The following TMOD1 variants were observed in gnomAD, a reference collection of about 807,000 sequenced individuals.
TMOD1 encodes the protein tropomodulin 1.
TMOD1 carries 17 observed loss-of-function variants against 40.6 expected under a neutral mutation model. That is an observed-to-expected ratio of 0.42 (90% CI 0.29 to 0.63). TMOD1 has a LOEUF of 0.63. Among genes scored for constraint, TMOD1 ranks in the 20% least tolerant of loss-of-function variants. The pLI is 0.22. For synonymous variants in TMOD1, 181 were observed against 175.0 expected, an observed-to-expected ratio of 1.03 and a Z score of -0.27; for missense variants, 391 against 447.6, an observed-to-expected ratio of 0.87 and a Z score of 1.14.
chr9:97,566,089 G>C, intron 7 of TMOD1, 134 bp downstream of exon 7: 1 of 688,886 alleles, frequency 1.5e-6, no homozygotes, highest in South Asian at 2.1e-5. Flanking sequence ...ATTGGACCAG[G>C]AGCCATGAGG....
intron 2 of TMOD1, among the ~76,000 whole-genome samples, chr9:97,536,046 C>A (rs1587927391): frequency 6.6e-6 from 1 of 152,256 alleles, no homozygotes; most frequent in Non-Finnish European, 1.5e-5. Context: ...AGAGTTGGCT[C>A]ACCCCGCTGC....
At chr9:97,559,794 A>ATATATATATATAT (rs1554683057) in intron 4 of TMOD1, among the ~76,000 whole-genome samples, 3 of 23,168 alleles carry the variant, frequency 1.3e-4, no homozygotes, top group Non-Finnish European at 1.5e-4. Context: ...AAAAAAAAAA[A>ATATATATATATAT]ATATATATAT....
chr9:97,559,823 ATGTCTATC>A (rs1198581225), intron 4 of TMOD1, among the ~76,000 whole-genome samples: 2,406 of 62,832 alleles, frequency 0.038, 123 homozygotes, highest in East Asian at 0.061. Flanking sequence ...ATATATATAT[ATGTCTATC>A]TATCTATCTA....
upstream of TMOD1, chr9:97,501,642 T>TCCCG (rs1829502476): frequency 7.8e-6 from 1 of 128,604 alleles, no homozygotes; most frequent in Non-Finnish European, 1.7e-5. Context: ...AGCCCACAGC[T>TCCCG]CCCGCCCGCC....
At chr9:97,559,295 G>C (rs539868130) in intron 4 of TMOD1, among the ~76,000 whole-genome samples, 1 of 151,934 alleles carries the variant, frequency 6.6e-6, no homozygotes, top group South Asian at 2.1e-4. Flanking sequence ...AAACCCACGA[G>C]AGCTTGAAAA....
intron 8 of TMOD1, among the ~76,000 whole-genome samples, chr9:97,575,367 C>T (rs1432903171): frequency 3.9e-5 from 6 of 152,344 alleles, no homozygotes; most frequent in Non-Finnish European, 7.3e-5. Flanking sequence ...CCGGACACAC[C>T]GCCTTTAAGA....
chr9:97,538,591 T>A (rs980220570), intron 2 of TMOD1, among the ~76,000 whole-genome samples: 5 of 152,244 alleles, frequency 3.3e-5, no homozygotes, highest in Admixed American at 2.0e-4. Flanking sequence ...TACCTTTAAA[T>A]GTAATGTATA....
intron 3 of TMOD1, among the ~76,000 whole-genome samples, chr9:97,552,731 T>G (rs1221422214): frequency 2.6e-5 from 4 of 152,236 alleles, no homozygotes; most frequent in Non-Finnish European, 4.4e-5. Flanking sequence ...ATTGTATGGA[T>G]GCACCATAAT....
At chr9:97,578,262 C>A (rs1402265338) in intron 8 of TMOD1, among the ~76,000 whole-genome samples, 1 of 152,168 alleles carries the variant, frequency 6.6e-6, no homozygotes, top group Non-Finnish European at 1.5e-5. Flanking sequence ...ACCATGTTGG[C>A]CAGGATGGTC....
At chr9:97,572,460 G>A (rs1830834796) in intron 8 of TMOD1, among the ~76,000 whole-genome samples, 1 of 152,226 alleles carries the variant, frequency 6.6e-6, no homozygotes, top group African/African-American at 2.4e-5. Flanking sequence ...GGGGCTGTGG[G>A]GAGGCGCTCC....
intron 8 of TMOD1, among the ~76,000 whole-genome samples, chr9:97,586,232 C>G (rs2131287137): frequency 6.6e-6 from 1 of 152,242 alleles, no homozygotes; most frequent in South Asian, 2.1e-4. Flanking sequence ...CAGAGAGGAC[C>G]CTCAGCTGCA....
At chr9:97,591,945 G>GCCTT (rs1244994916) in intron 9 of TMOD1, among the ~76,000 whole-genome samples, 3 of 151,930 alleles carry the variant, frequency 2.0e-5, no homozygotes, top group Non-Finnish European at 2.9e-5. Flanking sequence ...GTATATTAAT[G>GCCTT]TAATCTCAAT....
rs1037730130 is a variant in TMOD1, at chr9:97,568,766, G to A, written c.727-128G>A. On this transcript the variant is annotated intron_variant, in intron 7 of 9. Transcript: ENST00000259365. ...GGAGAGGAGAGACACAGTCAGAGTT[G>A]TGCTTGGTGAAGGACATGGTGGAGA... 1.1e-5 allele frequency: 12 copies of A among 1,097,392 alleles called. No individual in the cohort carries two copies. In the African/African-American group the frequency reaches 1.9e-4, roughly 17 times the overall value. 68.0% of individuals were successfully genotyped at this position (1,097,392 alleles called of 1,614,324 possible).
intron 1 of TMOD1, among the ~76,000 whole-genome samples, chr9:97,512,086 C>A (rs1022395871): frequency 6.6e-6 from 1 of 152,166 alleles, no homozygotes; most frequent in Non-Finnish European, 1.5e-5. Flanking sequence ...TCATATGACA[C>A]CTTGTTTACC....
At chr9:97,577,425 A>G (rs1429220822) in intron 8 of TMOD1, among the ~76,000 whole-genome samples, 1 of 152,224 alleles carries the variant, frequency 6.6e-6, no homozygotes, top group African/African-American at 2.4e-5. Flanking sequence ...TGGTCCTGCA[A>G]CTGACCCATG....
At chr9:97,564,257 G>A in intron 6 of TMOD1, 89 bp downstream of exon 6, 2 of 1,491,864 alleles carry the variant, frequency 1.3e-6, no homozygotes, top group Non-Finnish European at 1.8e-6. Flanking sequence ...GGTTGGTTGT[G>A]CAGAGTAAAC....
At chr9:97,536,175 A>T (rs1199383402) in intron 2 of TMOD1, among the ~76,000 whole-genome samples, 1 of 152,166 alleles carries the variant, frequency 6.6e-6, no homozygotes, top group Non-Finnish European at 1.5e-5. Context: ...TTGGGATGGG[A>T]CCATAAGTGC....
intron 1 of TMOD1, chr9:97,514,003 C>A (rs1429776856): frequency 6.6e-6 from 1 of 152,262 alleles, no homozygotes; most frequent in African/African-American, 2.4e-5. Flanking sequence ...TGTGCAGGTG[C>A]ACAGAGCCCT....
upstream of TMOD1, chr9:97,501,551 G>A (rs7028467): frequency 1.3e-4 from 19 of 150,652 alleles, no homozygotes; most frequent in Admixed American, 4.0e-4. Flanking sequence ...GAGTGGAGGG[G>A]GGGGGAAGGA....
Sources: allele counts gnomAD v4.1 joint callset (sites outside exome capture counted in the v4.1 genomes callset), GRCh38; gene constraint gnomAD v4.1.1; transcripts MANE v1.5; gene names NCBI Gene and HGNC (gene_info 2026-07-23, HGNC 2026-07-21).